The following TNFSF4 variants were observed in gnomAD, a reference collection of about 807,000 sequenced individuals.
TNFSF4 encodes the protein tumor necrosis factor ligand superfamily member 4.
In TNFSF4, 4 loss-of-function variants were observed where a neutral mutation model predicts 7.3. The ratio of observed to expected loss-of-function variants is 0.55; its 90% CI spans 0.27 to 1.25. TNFSF4 has a LOEUF of 1.25. Among genes scored for constraint, TNFSF4 ranks in the 50% most tolerant of loss-of-function variants. The pLI is 0.12. For synonymous variants in TNFSF4, 76 were observed against 83.7 expected (o/e 0.91, Z 0.50); for missense variants, 181 against 208.8 (o/e 0.87, Z 0.82).
chr1:173,416,303 A>G, the TNFSF4 span, among the ~76,000 whole-genome samples: 1 of 152,184 alleles, frequency 6.6e-6, no homozygotes, highest in African/African-American at 2.4e-5. Flanking sequence ...TGCAAAGGAG[A>G]CATCCTGGGC....
intron 1 of TNFSF4, among the ~76,000 whole-genome samples, chr1:173,197,647 G>A (rs1028299801): frequency 2.6e-5 from 4 of 152,174 alleles, no homozygotes; most frequent in Admixed American, 1.3e-4. Flanking sequence ...GAGAACACAT[G>A]GACATGTGGG....
At chr1:173,444,354 G>C in the TNFSF4 span, among the ~76,000 whole-genome samples, 6 of 151,814 alleles carry the variant, frequency 4.0e-5, no homozygotes, top group Middle Eastern at 3.2e-3. Context: ...AGGATGATGA[G>C]TGCTTTTTTT....
intron 1 of TNFSF4, among the ~76,000 whole-genome samples, chr1:173,206,345 A>T (rs1650188699): frequency 6.6e-6 from 1 of 152,238 alleles, no homozygotes; most frequent in African/African-American, 2.4e-5. Context: ...AGAAAAATGG[A>T]AATATTTTAA....
At chr1:173,331,262 G>C in the TNFSF4 span, among the ~76,000 whole-genome samples, 2 of 152,130 alleles carry the variant, frequency 1.3e-5, no homozygotes, top group Non-Finnish European at 2.9e-5. Flanking sequence ...TCGTATTTCA[G>C]TACTTCCAGT....
At chr1:173,382,339 C>T in the TNFSF4 span, among the ~76,000 whole-genome samples, 1 of 152,194 alleles carries the variant, frequency 6.6e-6, no homozygotes, top group Non-Finnish European at 1.5e-5. Context: ...TGAAGGAACA[C>T]AGTCCGGACA....
chr1:173,400,028 C>A, the TNFSF4 span, among the ~76,000 whole-genome samples: 2 of 152,304 alleles, frequency 1.3e-5, no homozygotes, highest in South Asian at 4.1e-4. Flanking sequence ...ACTCTGGATG[C>A]GGATTTGTGT....
At chr1:173,422,177 A>G in the TNFSF4 span, among the ~76,000 whole-genome samples, 2 of 152,176 alleles carry the variant, frequency 1.3e-5, no homozygotes, top group African/African-American at 4.8e-5. Flanking sequence ...AGTGCTCAGT[A>G]GATGTGAGCT....
chr1:173,263,298 A>T, the TNFSF4 span, among the ~76,000 whole-genome samples: 2 of 152,228 alleles, frequency 1.3e-5, no homozygotes, highest in Non-Finnish European at 2.9e-5. Context: ...AATAATATAG[A>T]ACCAAAAAAT....
chr1:173,263,627 T>C, the TNFSF4 span, among the ~76,000 whole-genome samples: 2 of 152,212 alleles, frequency 1.3e-5, no homozygotes, highest in Non-Finnish European at 2.9e-5. Flanking sequence ...TAACACTTAA[T>C]AAATAATTAG....
At chr1:173,436,624 G>A in the TNFSF4 span, among the ~76,000 whole-genome samples, 2 of 152,238 alleles carry the variant, frequency 1.3e-5, no homozygotes, top group South Asian at 4.1e-4. Context: ...TGGCCAGGCT[G>A]GTCTTGAATT....
chr1:173,274,195 TAG>T, the TNFSF4 span, among the ~76,000 whole-genome samples: 2 of 152,076 alleles, frequency 1.3e-5, no homozygotes, highest in South Asian at 2.1e-4. Flanking sequence ...CTTTTCAAAA[TAG>T]AATCATATTG....
chr1:173,189,554 A>C (rs1345316326), intron 1 of TNFSF4, among the ~76,000 whole-genome samples: 1 of 152,266 alleles, frequency 6.6e-6, no homozygotes, highest in Non-Finnish European at 1.5e-5. Context: ...CAGTGAAGAC[A>C]GGAAACCTGA....
chr1:173,271,486 T>C, the TNFSF4 span, among the ~76,000 whole-genome samples: 142 of 151,106 alleles, frequency 9.4e-4, no homozygotes, highest in African/African-American at 3.4e-3. Flanking sequence ...ACAAAGAACT[T>C]AAACAAATTT....
chr1:173,298,333 G>A, the TNFSF4 span, among the ~76,000 whole-genome samples: 4 of 151,936 alleles, frequency 2.6e-5, no homozygotes, highest in Admixed American at 1.3e-4. Context: ...GTAAGAATGG[G>A]AGGAAGAGAC....
the TNFSF4 span, among the ~76,000 whole-genome samples, chr1:173,173,824 C>A: frequency 4.6e-5 from 7 of 152,218 alleles, no homozygotes; most frequent in Admixed American, 4.6e-4. Flanking sequence ...ACCATCCTTC[C>A]TTTCCAGGCC....
the TNFSF4 span, among the ~76,000 whole-genome samples, chr1:173,298,327 G>T: frequency 6.6e-6 from 1 of 151,970 alleles, no homozygotes; most frequent in East Asian, 1.9e-4. Flanking sequence ...AACAGGGTAA[G>T]AATGGGAGGA....
At chr1:173,361,735 T>A in the TNFSF4 span, among the ~76,000 whole-genome samples, 2 of 152,210 alleles carry the variant, frequency 1.3e-5, no homozygotes, top group African/African-American at 4.8e-5. Context: ...CTCACTTTCC[T>A]TGGGTCTACG....
chr1:173,198,474 T>TC (rs774611799), intron 1 of TNFSF4, among the ~76,000 whole-genome samples: 52 of 152,280 alleles, frequency 3.4e-4, no homozygotes, highest in African/African-American at 1.1e-3. Context: ...GGCCTCTTTT[T>TC]CCCCAAGTGG....
chr1:173,243,014 G>C, the TNFSF4 span, among the ~76,000 whole-genome samples: 3 of 107,974 alleles, frequency 2.8e-5, no homozygotes, highest in African/African-American at 6.7e-5. Flanking sequence ...TGGGGGGGGG[G>C]GGGGAGCACA....
Sources: allele counts gnomAD v4.1 joint callset (sites outside exome capture counted in the v4.1 genomes callset), GRCh38; gene constraint gnomAD v4.1.1; transcripts MANE v1.5; gene names NCBI Gene and HGNC (gene_info 2026-07-23, HGNC 2026-07-21).